FZD6: variants seen among roughly 807,000 people sequenced by gnomAD.
FZD6 encodes frizzled-6.
Under a neutral mutation model 61.4 loss-of-function variants are expected in FZD6, and 49 were observed. The ratio of observed to expected loss-of-function variants is 0.80; its 90% CI spans 0.63 to 1.01. The LOEUF is 1.01. Among genes scored for constraint, FZD6 ranks in the 50% least tolerant of loss-of-function variants. The pLI is 0.00. For missense variants in FZD6, 724 were observed against 848.2 expected, an observed-to-expected ratio of 0.85 and a Z score of 1.82; for synonymous variants, 265 against 292.2, an observed-to-expected ratio of 0.91 and a Z score of 0.95.
At chr8:103,328,073 G>T (rs1390042284) in intron 4 of FZD6, among the ~76,000 whole-genome samples, 195 bp from the exon 5 acceptor site, 1 of 152,034 alleles carries the variant, frequency 6.6e-6, no homozygotes, top group Non-Finnish European at 1.5e-5. Flanking sequence ...TAGAGATTTG[G>T]TACATAAAGT....
At chr8:103,330,905 C>T (rs1357739601) in intron 6 of FZD6, among the ~76,000 whole-genome samples, 7 of 152,152 alleles carry the variant, frequency 4.6e-5, no homozygotes, top group African/African-American at 9.7e-5. Context: ...TGGCCAGGCA[C>T]GGTGGCTCAC....
intron 3 of FZD6, among the ~76,000 whole-genome samples, chr8:103,320,512 CT>C (rs1814754233): frequency 6.6e-6 from 1 of 151,684 alleles, no homozygotes; most frequent in South Asian, 2.1e-4. Context: ...CTATGAAAGT[CT>C]AAATAGATGG....
intron 3 of FZD6, among the ~76,000 whole-genome samples, chr8:103,319,465 GCTT>G (rs1335859801): frequency 2.0e-5 from 3 of 152,182 alleles, no homozygotes; most frequent in African/African-American, 7.2e-5. Context: ...AATCCTGTGA[GCTT>G]CTGTGTAGAG....
At chr8:103,324,175 G>C (rs540096567) in intron 3 of FZD6, among the ~76,000 whole-genome samples, 4 of 152,198 alleles carry the variant, frequency 2.6e-5, no homozygotes, top group Non-Finnish European at 5.9e-5. Context: ...TAAATATTTA[G>C]TCTTAAAAAC....
Position 103,300,218 on chromosome 8 carries a change from C to T in FZD6, c.111C>T (p.Tyr37=), listed in dbSNP as rs746328732. 11 of 1,611,040 alleles carry T rather than the reference C, an allele frequency of 6.8e-6. No individual in the cohort carries two copies. Among genetic ancestry groups the T allele is most frequent in the Admixed American group, 1.7e-5 (1 of 60,030 alleles). The change falls in exon 2 of 7, where the codon TAC becomes TAT. Residue 37 remains tyrosine (Y), a synonymous_variant. Coordinates refer to ENST00000358755, the MANE Select transcript of FZD6 (RefSeq NM_003506.4). ...ITVPRCMKMA[Y]NMTFFPNLMG... is the part of the protein sequence containing the mutation. ...TTCCCAGATGTATGAAAATGGCCTA[C>T]AACATGACGTTTTTCCCTAATCTGA...
chr8:103,328,646 A>G (rs189273664), intron 5 of FZD6, among the ~76,000 whole-genome samples: 3 of 152,146 alleles, frequency 2.0e-5, no homozygotes, highest in Non-Finnish European at 4.4e-5. Context: ...TCTGTGACAT[A>G]TACTATTCTA....
At chr8:103,316,115 A>G (rs1453390034) in intron 2 of FZD6, among the ~76,000 whole-genome samples, 8 of 152,200 alleles carry the variant, frequency 5.3e-5, no homozygotes, top group Non-Finnish European at 2.9e-5. Context: ...AATATTAAAT[A>G]TTGTACACTG....
Position 103,331,856 on chromosome 8 carries a change from G to A in FZD6, c.*347G>A, listed in dbSNP as rs1403141086. The stretch of plus-strand genomic sequence containing the variant: ...TTTTACTTTTTTGATATAAAATCAA[G>A]ATATTTCTTTGCTGAAGTATTTAAA... On this transcript the variant is annotated 3_prime_UTR_variant, in exon 7 of 7. Coordinates refer to ENST00000358755, the MANE Select transcript of FZD6 (RefSeq NM_003506.4). 1 of 216,156 alleles carries A rather than the reference G, an allele frequency of 4.6e-6. No individual in the cohort carries two copies. Among genetic ancestry groups the A allele is most frequent in the Non-Finnish European group, 9.3e-6 (1 of 107,028 alleles). The allele number at this position is 216,156 out of a possible 1,614,324, so 13.4% of individuals were successfully genotyped here. A position where few individuals can be genotyped will look rare whatever the true frequency, so the allele number is the denominator to read the frequency against.
Position 103,325,203 on chromosome 8 carries a change from C to T in FZD6, c.1097C>T (p.Ala366Val). 1 of 1,614,196 alleles carries T rather than the reference C, an allele frequency of 6.2e-7. No individual in the cohort carries two copies. The highest frequency in any genetic ancestry group is 8.5e-7 in the Non-Finnish European group (1 of 1,180,026). The change falls in exon 4 of 7, where the codon GCT becomes GTT. Residue 366 changes from alanine to valine, a missense_variant. Ala to Val is a moderately conservative substitution (Grantham distance 64). Coordinates refer to ENST00000358755, the MANE Select transcript of FZD6 (RefSeq NM_003506.4). Reference protein sequence around the residue: ...VCFVGLYDLDASRYFVLLPLC... With the variant: ...VCFVGLYDLDVSRYFVLLPLC... ...TTTGTTGGCCTTTATGACCTGGATG[C>T]TTCTCGCTACTTTGTACTCTTGCCA... is the stretch of plus-strand genomic sequence containing the variant.
At chr8:103,299,472 T>C (rs1814085244) in intron 1 of FZD6, among the ~76,000 whole-genome samples, 1 of 152,202 alleles carries the variant, frequency 6.6e-6, no homozygotes. Context: ...TCCCTCTAGT[T>C]GGCCTTACGA....
At chr8:103,311,025 A>G (rs1052993010) in intron 2 of FZD6, among the ~76,000 whole-genome samples, 1 of 151,944 alleles carries the variant, frequency 6.6e-6, no homozygotes, top group Middle Eastern at 3.4e-3. Flanking sequence ...TAAGCAGAAA[A>G]TTGATGGATT....
chr8:103,318,831 C>T, intron 3 of FZD6, 45 bp downstream of exon 3: 1 of 1,005,540 alleles, frequency 9.9e-7, no homozygotes, highest in Non-Finnish European at 1.6e-6. Context: ...TATTTTACTA[C>T]TGGTACTAGC....
intron 2 of FZD6, among the ~76,000 whole-genome samples, chr8:103,316,668 T>C (rs1814632986): frequency 6.6e-6 from 1 of 152,220 alleles, no homozygotes; most frequent in Non-Finnish European, 1.5e-5. Context: ...TTCTTTAGAA[T>C]TTTATAGTCA....
chr8:103,306,201 A>G (rs923140542), intron 2 of FZD6, among the ~76,000 whole-genome samples: 1 of 152,240 alleles, frequency 6.6e-6, no homozygotes, highest in African/African-American at 2.4e-5. Context: ...GTTTAAAAAT[A>G]ACAAGTTTTC....
At chr8:103,311,597 T>C (rs1053307146) in intron 2 of FZD6, among the ~76,000 whole-genome samples, 1 of 151,346 alleles carries the variant, frequency 6.6e-6, no homozygotes, top group African/African-American at 2.4e-5. Flanking sequence ...TGAGGCTCAC[T>C]TGAGCCCAGG....
In FZD6 at chr8:103,318,665, T is replaced by G; in HGVS notation, c.253T>G (p.Cys85Gly). 6.2e-7 allele frequency: 1 copy of G among 1,606,962 alleles called. No homozygotes were observed. The highest frequency in any genetic ancestry group is 8.5e-7 in the Non-Finnish European group (1 of 1,173,476). Residue 85 changes from cysteine (C) to glycine (G), a missense_variant, in exon 3 of 7, where the codon TGC becomes GGC. Coordinates refer to ENST00000358755, the MANE Select transcript of FZD6 (RefSeq NM_003506.4). ...CCTCTGCAAAGCATTTGTACCAACC[T>G]GCATAGAACAAATTCATGTGGTTCC... Reference protein sequence around the residue: ...TFLCKAFVPTCIEQIHVVPPC... With the variant: ...TFLCKAFVPTGIEQIHVVPPC...
intron 5 of FZD6, among the ~76,000 whole-genome samples, chr8:103,328,816 A>G (rs181979203): frequency 6.6e-5 from 10 of 151,502 alleles, no homozygotes; most frequent in African/African-American, 2.4e-4. Context: ...AGACTTAAGT[A>G]TATATAAAGA....
At chr8:103,321,055 A>G (rs1316859319) in intron 3 of FZD6, among the ~76,000 whole-genome samples, 1 of 152,170 alleles carries the variant, frequency 6.6e-6, no homozygotes, top group Non-Finnish European at 1.5e-5. Flanking sequence ...TGGAGAAAAT[A>G]CTTGCTCTTT....
chr8:103,314,420 C>T (rs1418004956), intron 2 of FZD6, among the ~76,000 whole-genome samples: 1 of 152,172 alleles, frequency 6.6e-6, no homozygotes, highest in Admixed American at 6.5e-5. Context: ...CTCCCCTTCT[C>T]CTACCTCAGG....
Sources: allele counts gnomAD v4.1 joint callset (sites outside exome capture counted in the v4.1 genomes callset), GRCh38; gene constraint gnomAD v4.1.1; transcripts MANE v1.5; gene names NCBI Gene and HGNC (gene_info 2026-07-23, HGNC 2026-07-21).